NTAQ1: variants seen among roughly 807,000 people sequenced by gnomAD.
NTAQ1 encodes protein N-terminal glutamine amidohydrolase.
Under a neutral mutation model 28.2 loss-of-function variants are expected in NTAQ1, and 21 were observed. The observed-to-expected ratio is 0.74, with a 90% CI of 0.53 to 1.07. NTAQ1 has a LOEUF of 1.07. Among genes scored for constraint, NTAQ1 ranks in the 50% least tolerant of loss-of-function variants. The pLI, the probability that NTAQ1 is intolerant of heterozygous loss-of-function variation, is 0.00. For missense variants in NTAQ1, 264 were observed against 256.6 expected (o/e 1.03, Z -0.20); for synonymous variants, 105 against 90.0 (o/e 1.17, Z -0.94).
At chr8:123,470,565 A>T (rs982240214), downstream of NTAQ1, among the ~76,000 whole-genome samples, 28 of 152,344 alleles carry the variant, frequency 1.8e-4, no homozygotes, top group Middle Eastern at 3.4e-3. Flanking sequence ...GTATTCACTT[A>T]TTTCATAAGA....
At chr8:123,421,750 G>A (rs539811031) in intron 1 of NTAQ1, among the ~76,000 whole-genome samples, 259 of 150,214 alleles carry the variant, frequency 1.7e-3, no homozygotes, top group African/African-American at 4.5e-3. Context: ...GTGCAGTGGC[G>A]TGATCTTGGC....
At chr8:123,419,661 C>G (rs1813543468) in intron 1 of NTAQ1, among the ~76,000 whole-genome samples, 1 of 152,102 alleles carries the variant, frequency 6.6e-6, no homozygotes, top group Admixed American at 6.6e-5. Context: ...CAGCTCATCA[C>G]TGGGAACCCC....
downstream of NTAQ1, among the ~76,000 whole-genome samples, chr8:123,443,824 C>T (rs537633883): frequency 5.9e-4 from 90 of 152,106 alleles, no homozygotes; most frequent in Non-Finnish European, 1.1e-3. Context: ...CTGCCCACCT[C>T]GGCCTCTGAA....
chr8:123,430,058 T>TTGA, intron 3 of NTAQ1, 25 bp downstream of exon 3: 3 of 1,600,982 alleles, frequency 1.9e-6, no homozygotes, highest in Non-Finnish European at 2.6e-6. Context: ...ACAGAGAGTA[T>TTGA]TGACGCATTA....
chr8:123,462,741 C>T (rs1223083849), intron 6 of NTAQ1, among the ~76,000 whole-genome samples: 1 of 152,160 alleles, frequency 6.6e-6, no homozygotes. Context: ...AGAGCTCATG[C>T]ATTCATGGGC....
intron 4 of NTAQ1, 101 bp from the exon 5 acceptor site, chr8:123,437,109 T>A: frequency 1.4e-6 from 2 of 1,450,604 alleles, no homozygotes; most frequent in Non-Finnish European, 1.9e-6. Context: ...AATGCATGAG[T>A]AGTTTTGTGC....
chr8:123,424,467 C>T (rs566636855), intron 1 of NTAQ1, among the ~76,000 whole-genome samples: 6 of 152,272 alleles, frequency 3.9e-5, no homozygotes, highest in East Asian at 1.9e-4. Context: ...TGGTCTTGAA[C>T]GCCTGACCTC....
intron 1 of NTAQ1, among the ~76,000 whole-genome samples, chr8:123,418,461 A>T (rs566660132): frequency 6.7e-5 from 10 of 149,328 alleles, no homozygotes; most frequent in East Asian, 4.2e-4. Flanking sequence ...AAAAAAAAAA[A>T]AATAAAAAGC....
At chr8:123,423,861 T>A (rs539245509) in intron 1 of NTAQ1, among the ~76,000 whole-genome samples, 3 of 141,534 alleles carry the variant, frequency 2.1e-5, no homozygotes, top group Non-Finnish European at 3.1e-5. Flanking sequence ...TCATGAACTC[T>A]TTGTAGTTTT....
At chr8:123,445,404 T>G (rs933261029), downstream of NTAQ1, among the ~76,000 whole-genome samples, 2 of 152,186 alleles carry the variant, frequency 1.3e-5, no homozygotes, top group African/African-American at 4.8e-5. Flanking sequence ...CAGTACATAT[T>G]GATTGGAAAA....
At chr8:123,423,699 A>G (rs2080232982) in intron 1 of NTAQ1, among the ~76,000 whole-genome samples, 1 of 152,038 alleles carries the variant, frequency 6.6e-6, no homozygotes, top group Non-Finnish European at 1.5e-5. Flanking sequence ...TTGAAAAACA[A>G]TTGCTGACTA....
intron 1 of NTAQ1, among the ~76,000 whole-genome samples, chr8:123,419,472 G>C (rs948968586): frequency 6.6e-6 from 1 of 152,154 alleles, no homozygotes; most frequent in East Asian, 1.9e-4. Flanking sequence ...TTAGCTTCCA[G>C]ATGTTACTTA....
At chr8:123,428,169 G>A in intron 2 of NTAQ1, 146 bp downstream of exon 2, 1 of 555,666 alleles carries the variant, frequency 1.8e-6, no homozygotes, top group South Asian at 3.4e-5. Context: ...TTAAAAGCTT[G>A]CTTTTGAATG....
At chr8:123,464,190 G>A (rs1166709191) in intron 6 of NTAQ1, among the ~76,000 whole-genome samples, 1 of 152,156 alleles carries the variant, frequency 6.6e-6, no homozygotes, top group Non-Finnish European at 1.5e-5. Flanking sequence ...AGATGGTCTT[G>A]CAGAGTTGTT....
rs771803074 is a variant in NTAQ1, at chr8:123,428,054, C to G, written c.183+31C>G. Reference sequence around the variant, plus strand: ...TTGGTGAGTGATTGCAGAAAGAAAACAAGAGATTTAGGATGACATTAGAAG... The same window carrying G: ...TTGGTGAGTGATTGCAGAAAGAAAAGAAGAGATTTAGGATGACATTAGAAG... On this transcript the variant is annotated intron_variant, in intron 2 of 5. Transcript: ENST00000287387. 2.1e-6 allele frequency: 3 copies of G among 1,460,326 alleles called. No homozygotes were observed. The East Asian group carries it at 6.9e-5, about 34-fold the overall frequency. 90.5% of individuals were successfully genotyped at this position (1,460,326 alleles called of 1,614,324 possible). A position where few individuals can be genotyped will look rare whatever the true frequency, so the allele number is the denominator to read the frequency against.
intron 6 of NTAQ1, among the ~76,000 whole-genome samples, chr8:123,466,106 A>G (rs1417206516): frequency 1.3e-5 from 2 of 152,198 alleles, no homozygotes; most frequent in African/African-American, 4.8e-5. Flanking sequence ...GCTGAGGGCA[A>G]TAGCAGCTGG....
chr8:123,461,084 A>G (rs962558992), intron 6 of NTAQ1, among the ~76,000 whole-genome samples: 15 of 152,166 alleles, frequency 9.9e-5, no homozygotes, highest in African/African-American at 2.2e-4. Context: ...TAAGTGACCT[A>G]ACACACTTGG....
intron 6 of NTAQ1, among the ~76,000 whole-genome samples, chr8:123,456,617 A>G (rs971218027): frequency 2.0e-5 from 3 of 152,222 alleles, no homozygotes; most frequent in African/African-American, 7.2e-5. Context: ...GAGTTGTTTT[A>G]CATGATTGCC....
chr8:123,438,453 C>T (rs1249940363), intron 5 of NTAQ1, among the ~76,000 whole-genome samples: 1 of 151,944 alleles, frequency 6.6e-6, no homozygotes, highest in Admixed American at 6.6e-5. Flanking sequence ...GTCAGGAGTT[C>T]GAGACTAGCC....
Sources: gnomAD v4.1 joint callset for allele counts (sites outside exome capture counted in the v4.1 genomes callset) on GRCh38, gnomAD v4.1.1 for gene constraint, MANE v1.5 for transcripts, NCBI Gene and HGNC (gene_info 2026-07-23, HGNC 2026-07-21) for gene names.